The following PALLD variants were observed in gnomAD, a reference collection of about 807,000 sequenced individuals.
PALLD encodes the protein palladin, cytoskeletal associated protein, also known as palladin.
In PALLD, 61 loss-of-function variants were observed where a neutral mutation model predicts 123.5. That is an observed-to-expected ratio of 0.49 (90% CI 0.40 to 0.61). The LOEUF is 0.61. Ranked by LOEUF, PALLD falls within the 20% of genes least tolerant of loss-of-function variation. PALLD has a pLI of 0.00. For synonymous variants in PALLD, 465 were observed against 496.4 expected (o/e 0.94, Z 0.84); for missense variants, 1,273 against 1,377.0 (o/e 0.92, Z 1.20).
chr4:168,689,432 C>CT (rs70961551), intron 6 of PALLD, among the ~76,000 whole-genome samples: 1,741 of 49,808 alleles, frequency 0.035, 458 homozygotes, highest in Admixed American at 0.064. Flanking sequence ...ATCCAATATT[C>CT]TTTTTTTTTT....
intron 10 of PALLD, among the ~76,000 whole-genome samples, chr4:168,769,346 C>T (rs1235579466): frequency 3.9e-5 from 6 of 152,130 alleles, no homozygotes; most frequent in African/African-American, 7.2e-5. Context: ...TATAAGGTCT[C>T]GTCTTTAGAG....
At chr4:168,741,410 T>A (rs1368926549) in intron 10 of PALLD, among the ~76,000 whole-genome samples, 1 of 151,998 alleles carries the variant, frequency 6.6e-6, no homozygotes, top group African/African-American at 2.4e-5. Flanking sequence ...GCGTGGTGGC[T>A]CACGCCTATA....
At chr4:168,910,092 A>G (rs1758598739) in intron 15 of PALLD, among the ~76,000 whole-genome samples, 1 of 152,100 alleles carries the variant, frequency 6.6e-6, no homozygotes, top group South Asian at 2.1e-4. Flanking sequence ...CCTTTTTCTT[A>G]AATTTGGGAA....
intron 2 of PALLD, among the ~76,000 whole-genome samples, chr4:168,514,863 C>G (rs931739524): frequency 2.6e-5 from 4 of 152,160 alleles, no homozygotes; most frequent in Non-Finnish European, 5.9e-5. Flanking sequence ...TATTAAAATT[C>G]ACTTAACCAT....
At chr4:168,877,838 C>A in intron 10 of PALLD, 1 of 1,332,272 alleles carries the variant, frequency 7.5e-7, no homozygotes, top group South Asian at 2.0e-5. Flanking sequence ...CTTCCCGCCG[C>A]CGCCCGCCTT....
intron 2 of PALLD, among the ~76,000 whole-genome samples, chr4:168,514,988 A>T (rs1214380680): frequency 1.3e-5 from 2 of 152,236 alleles, no homozygotes; most frequent in Admixed American, 6.5e-5. Flanking sequence ...CTTATTCTGC[A>T]GTCTATGAAA....
intron 10 of PALLD, among the ~76,000 whole-genome samples, chr4:168,872,867 T>C (rs1751271068): frequency 6.6e-6 from 1 of 152,242 alleles, no homozygotes; most frequent in Non-Finnish European, 1.5e-5. Context: ...ATTGAAGCAT[T>C]ACTATAATAA....
chr4:168,876,055 G>T (rs1474010342), intron 10 of PALLD, among the ~76,000 whole-genome samples: 1 of 152,232 alleles, frequency 6.6e-6, no homozygotes, highest in Non-Finnish European at 1.5e-5. Context: ...CGCCTTTGAG[G>T]AGAGCCACAC....
chr4:168,774,903 G>A (rs553241666), intron 10 of PALLD, among the ~76,000 whole-genome samples: 14 of 151,858 alleles, frequency 9.2e-5, no homozygotes, highest in Middle Eastern at 3.4e-3. Context: ...GAATCTTTCC[G>A]TATATACTCT....
chr4:168,590,344 A>G (rs1196413125), intron 2 of PALLD, among the ~76,000 whole-genome samples: 1 of 152,258 alleles, frequency 6.6e-6, no homozygotes, highest in Admixed American at 6.5e-5. Context: ...CTCCGTCTCA[A>G]AAAACAGTCT....
rs114820986 is a variant in PALLD, at chr4:168,707,582, G to A, written c.1502-1446G>A. Among the ~76,000 whole-genome samples, 519 of 152,272 alleles carry A rather than the reference G, an allele frequency of 3.4e-3. 4 individuals carry two copies. Among genetic ancestry groups the A allele is most frequent in the African/African-American group, 9.1e-3 (377 of 41,548 alleles). On this transcript the variant is annotated intron_variant, in intron 8 of 21. Transcript: ENST00000505667. ...CCTCTCAAGGATTTGGCTCAGAATT[G>A]GCCAACAACATCACTTTCACCACAT...
At position 168,598,791 on chromosome 4, in the gene PALLD, G is replaced by A. The variant is rs1445291984; in HGVS notation, c.909-69399G>A. On this transcript the variant is annotated intron_variant, in intron 2 of 21. Coordinates refer to ENST00000505667, the MANE Select transcript of PALLD (RefSeq NM_001166108.2). ...CACACTGTTGGTAAATCCAAAGCAG[G>A]GAGGGTCCTCCAACACCAGCATACA... 9.1e-6 allele frequency: 3 copies of A among 329,498 alleles called. No individual in the cohort carries two copies. In the East Asian group the frequency reaches 3.6e-4, roughly 39 times the overall value. 20.4% of individuals were successfully genotyped at this position (329,498 alleles called of 1,614,324 possible).
At chr4:168,852,277 A>G (rs2150984586) in intron 10 of PALLD, among the ~76,000 whole-genome samples, 1 of 152,268 alleles carries the variant, frequency 6.6e-6, no homozygotes, top group Middle Eastern at 3.4e-3. Flanking sequence ...TTTAGGCCAC[A>G]CTGTACTTGC....
intron 10 of PALLD, among the ~76,000 whole-genome samples, chr4:168,787,084 G>T (rs930515259): frequency 6.6e-6 from 1 of 152,210 alleles, no homozygotes; most frequent in Non-Finnish European, 1.5e-5. Context: ...AAACATGGGA[G>T]ATAATGGCTC....
At chr4:168,623,813 G>A (rs1774992086) in intron 2 of PALLD, among the ~76,000 whole-genome samples, 2 of 152,178 alleles carry the variant, frequency 1.3e-5, no homozygotes, top group African/African-American at 4.8e-5. Context: ...CAGCAATTAT[G>A]AATACACATT....
At chr4:168,786,772 A>G (rs1018550118) in intron 10 of PALLD, among the ~76,000 whole-genome samples, 2 of 152,260 alleles carry the variant, frequency 1.3e-5, no homozygotes, top group Non-Finnish European at 2.9e-5. Context: ...ATGCACACAC[A>G]TATACTGTCA....
chr4:168,708,492 C>T (rs1784427158), intron 8 of PALLD, among the ~76,000 whole-genome samples: 1 of 152,326 alleles, frequency 6.6e-6, no homozygotes, highest in East Asian at 1.9e-4. Flanking sequence ...GCTTTTCATG[C>T]CCTACAACAC....
chr4:168,921,814 T>C, intron 18 of PALLD, 73 bp downstream of exon 18: 1 of 1,170,298 alleles, frequency 8.5e-7, no homozygotes, highest in Non-Finnish European at 1.3e-6. Flanking sequence ...TAATTCTACA[T>C]TACTAACCAA....
At chr4:168,633,996 A>C (rs1450861336) in intron 2 of PALLD, among the ~76,000 whole-genome samples, 2 of 152,240 alleles carry the variant, frequency 1.3e-5, no homozygotes, top group African/African-American at 4.8e-5. Flanking sequence ...CACTTGCAAG[A>C]GACAAGACTG....
Sources: gnomAD v4.1 joint callset for allele counts (sites outside exome capture counted in the v4.1 genomes callset) on GRCh38, gnomAD v4.1.1 for gene constraint, MANE v1.5 for transcripts, NCBI Gene and HGNC (gene_info 2026-07-23, HGNC 2026-07-21) for gene names.